Variants in ITPR1 observed in about 807,000 individuals in gnomAD.
ITPR1 encodes inositol 1,4,5-trisphosphate-gated calcium channel ITPR1.
ITPR1 carries 96 observed loss-of-function variants against 318.4 expected under a neutral mutation model. That is an observed-to-expected ratio of 0.30 (90% CI 0.26 to 0.36). ITPR1 has a LOEUF of 0.36. Among genes scored for constraint, ITPR1 ranks in the 10% least tolerant of loss-of-function variants. ITPR1 has a pLI of 1.00. For missense variants in ITPR1, 2,440 were observed against 3,460.2 expected (o/e 0.71, Z 7.40); for synonymous variants, 1,312 against 1,289.9 (o/e 1.02, Z -0.37).
intron 51 of ITPR1, among the ~76,000 whole-genome samples, chr3:4,785,528 A>G (rs2125402643): frequency 6.6e-6 from 1 of 151,796 alleles, no homozygotes; most frequent in South Asian, 2.1e-4. Flanking sequence ...AAAACACATC[A>G]TTTCACTGAT....
rs1574963981 is a variant in ITPR1, at chr3:4,710,604, C to T, written c.4991+131C>T. ...GAATGCAAGGTCATGTGCTAAAGTC[C>T]TGTTCTGACCTCCCCAAAGTAAGTT... On this transcript the variant is annotated intron_variant, in intron 38 of 61. Transcript: ENST00000649015. This position sits in a 1 kb window ranked among gnomAD's most constrained non-coding sequence, Gnocchi z 4.2. The T allele has an allele frequency of 1.3e-6, 1 of 796,508 alleles. No homozygotes were observed. Among genetic ancestry groups the T allele is most frequent in the Non-Finnish European group, 1.9e-6 (1 of 529,460 alleles). 49.3% of individuals were successfully genotyped at this position (796,508 alleles called of 1,614,324 possible). A position where few individuals can be genotyped will look rare whatever the true frequency, so the allele number is the denominator to read the frequency against.
intron 44 of ITPR1, among the ~76,000 whole-genome samples, chr3:4,742,362 A>G (rs969111558): frequency 1.3e-5 from 2 of 152,214 alleles, no homozygotes; most frequent in Non-Finnish European, 2.9e-5. Flanking sequence ...TCCGGTAGAC[A>G]AGTGGAGCTG....
chr3:4,717,237 G>A lies in ITPR1; in HGVS notation c.5104-130G>A, dbSNP rs939482503. ...GTGTCCTAAGCGCCCAAGCCTCTTA[G>A]GATGGTTACCCATCTAGCAAGGCTT... On this transcript the variant is annotated intron_variant, in intron 39 of 61. Coordinates refer to ENST00000649015, the MANE Select transcript of ITPR1 (RefSeq NM_001378452.1). 6 of 807,264 alleles carry A rather than the reference G, an allele frequency of 7.4e-6. No homozygotes were observed. In the African/African-American group the frequency reaches 1.0e-4, roughly 14 times the overall value. The allele number at this position is 807,264 out of a possible 1,614,324, so 50.0% of individuals were successfully genotyped here.
rs1189242303 is a variant in ITPR1 at position 4,670,924 on chromosome 3, C to T, written c.2202C>T (p.Tyr734=). The part of the protein sequence containing the change: ...QKEDRDVLSY[Y]RYQLNLFARM... ...AGGACCGAGACGTTCTCAGCTACTACAGGTGCGTGGGACACGTGTGGGGCT... is the reference window on the plus strand; with the variant it reads ...AGGACCGAGACGTTCTCAGCTACTATAGGTGCGTGGGACACGTGTGGGGCT... The change falls in exon 20 of 62, where the codon TAC becomes TAT. Residue 734 remains tyrosine, a splice_region_variant and synonymous_variant. Coordinates refer to ENST00000649015, the MANE Select transcript of ITPR1 (RefSeq NM_001378452.1). The T allele has an allele frequency of 2.5e-6, 4 of 1,570,116 alleles. No individual in the cohort carries two copies. Among genetic ancestry groups the T allele is most frequent in the Non-Finnish European group, 3.5e-6 (4 of 1,156,344 alleles).
At chr3:4,563,228 T>C (rs2086861667) in intron 4 of ITPR1, among the ~76,000 whole-genome samples, 1 of 152,060 alleles carries the variant, frequency 6.6e-6, no homozygotes, top group South Asian at 2.1e-4. Context: ...AAAAATTAAT[T>C]TGTTGGCTGG....
chr3:4,797,731 C>T (rs888425314), intron 53 of ITPR1, among the ~76,000 whole-genome samples: 5 of 152,138 alleles, frequency 3.3e-5, no homozygotes, highest in African/African-American at 1.2e-4. Flanking sequence ...AATGAGCTAC[C>T]ATATATCTAT....
At chr3:4,523,566 G>A (rs557508953) in intron 4 of ITPR1, among the ~76,000 whole-genome samples, 4 of 151,914 alleles carry the variant, frequency 2.6e-5, no homozygotes, top group Admixed American at 6.6e-5. Context: ...TGTATCCCTT[G>A]GCCAACCTCT....
chr3:4,835,439 T>C (rs977137398), intron 60 of ITPR1, among the ~76,000 whole-genome samples: 1 of 151,954 alleles, frequency 6.6e-6, no homozygotes, highest in African/African-American at 2.4e-5. Flanking sequence ...GTTTGGGGGG[T>C]ATAACGGAGT....
At chr3:4,801,827 G>T (rs945478658) in intron 54 of ITPR1, among the ~76,000 whole-genome samples, 2 of 152,102 alleles carry the variant, frequency 1.3e-5, no homozygotes, top group African/African-American at 4.8e-5. Flanking sequence ...AGAGGATCTG[G>T]CCATGAAGCG....
At chr3:4,691,025 C>A in intron 31 of ITPR1, 119 bp from the exon 32 acceptor site, 1 of 585,248 alleles carries the variant, frequency 1.7e-6, no homozygotes, top group Non-Finnish European at 2.9e-6. Context: ...AACATATCTT[C>A]ATGGGTTTAA....
In ITPR1 at chr3:4,839,480, G is replaced by A. The variant is rs539796952; in HGVS notation, c.8190+2545G>A. On this transcript the variant is annotated intron_variant, in intron 61 of 61. Coordinates refer to ENST00000649015, the MANE Select transcript of ITPR1 (RefSeq NM_001378452.1). ...GGAGCTCCTGATCATCCAGTCAGGG[G>A]TGTGTGTGTGTGTTTTTATTTGCTT... is the stretch of plus-strand genomic sequence containing the variant. Among the ~76,000 whole-genome samples the A allele has an allele frequency of 1.9e-3, 286 of 152,120 alleles. 1 individual carries two copies. The highest frequency in any genetic ancestry group is 0.018 in the South Asian group (88 of 4,818).
chr3:4,611,034 C>A (rs1315963019), intron 4 of ITPR1, among the ~76,000 whole-genome samples: 1 of 77,438 alleles, frequency 1.3e-5, no homozygotes, highest in African/African-American at 5.0e-5. Context: ...TTCCTCCCTC[C>A]CTCCCTCCCT....
At chr3:4,506,551 T>TA (rs1329879622) in intron 2 of ITPR1, among the ~76,000 whole-genome samples, 2 of 152,226 alleles carry the variant, frequency 1.3e-5, no homozygotes, top group African/African-American at 4.8e-5. Flanking sequence ...TTGCTTGTTT[T>TA]ATCTGTTTGT....
chr3:4,843,071 G>C (rs1049730223), intron 61 of ITPR1, among the ~76,000 whole-genome samples: 1 of 127,546 alleles, frequency 7.8e-6, no homozygotes, highest in African/African-American at 3.0e-5. Context: ...AGGGTTTTGA[G>C]GGGTTTTTTT....
Position 4,800,575 on chromosome 3 carries a change from C to T in ITPR1, c.7082C>T (p.Thr2361Met), listed in dbSNP as rs927887017. 7 of 1,614,012 alleles carry T rather than the reference C, an allele frequency of 4.3e-6. No homozygotes were observed. The highest frequency in any genetic ancestry group is 5.9e-6 in the Non-Finnish European group (7 of 1,179,878). The part of the protein sequence containing the change: ...RLIFSVGLQP[T>M]LFLLGAFNVC... Reference sequence around the variant, plus strand: ...ATATTTTCAGTCGGGTTACAACCCACGTTGTTTCTTCTGGGCGCTTTCAAT... The same window carrying T: ...ATATTTTCAGTCGGGTTACAACCCATGTTGTTTCTTCTGGGCGCTTTCAAT... The change falls in exon 54 of 62, where the codon ACG becomes ATG. Residue 2361 changes from threonine (T) to methionine (M), a missense_variant. Around this residue, in one of 23 missense-constraint regions of ITPR1, gnomAD observed 126 missense variants for 150.8 expected, o/e 0.84. Transcript: ENST00000649015.
intron 5 of ITPR1, among the ~76,000 whole-genome samples, chr3:4,636,103 G>A (rs564240935): frequency 1.2e-4 from 18 of 150,162 alleles, no homozygotes; most frequent in East Asian, 4.0e-4. Flanking sequence ...CACGTGATCC[G>A]CCCAAAGTGC....
At chr3:4,842,219 C>T (rs2051400081) in intron 61 of ITPR1, among the ~76,000 whole-genome samples, 1 of 152,238 alleles carries the variant, frequency 6.6e-6, no homozygotes, top group Non-Finnish European at 1.5e-5. Flanking sequence ...TGTAAAGCTA[C>T]ACTATTCTTT....
chr3:4,843,673 C>T (rs992973614), intron 61 of ITPR1, among the ~76,000 whole-genome samples: 1 of 152,182 alleles, frequency 6.6e-6, no homozygotes, highest in Non-Finnish European at 1.5e-5. Flanking sequence ...AGGAATATGA[C>T]TACCTGAGCA....
At chr3:4,520,371 C>T (rs920745526) in intron 3 of ITPR1, among the ~76,000 whole-genome samples, 7 of 152,162 alleles carry the variant, frequency 4.6e-5, no homozygotes, top group African/African-American at 1.7e-4. Context: ...ACTTTCCCCA[C>T]TAGTTGCTTT....
Sources: gnomAD v4.1 joint callset for allele counts (sites outside exome capture counted in the v4.1 genomes callset) on GRCh38, gnomAD v4.1.1 for gene constraint, gnomAD v4.1.1 regional missense constraint, Gnocchi (gnomAD v3.1) non-coding constraint, MANE v1.5 for transcripts, NCBI Gene and HGNC (gene_info 2026-07-23, HGNC 2026-07-21) for gene names.